ATE1: variants seen among roughly 807,000 people sequenced by gnomAD.
ATE1 encodes the protein arginyltransferase 1, also known as arginyl-tRNA--protein transferase 1.
A neutral mutation model predicts 70.5 loss-of-function variants in ATE1; 36 were observed. That is an observed-to-expected ratio of 0.51 (90% confidence interval 0.39 to 0.67). The LOEUF (loss-of-function observed/expected upper bound fraction) is 0.67. Ranked by LOEUF, ATE1 falls within the 30% of genes least tolerant of loss-of-function variation. The pLI is 0.00. For synonymous variants in ATE1, 232 were observed against 219.3 expected, an observed-to-expected ratio of 1.06 and a Z score of -0.51; for missense variants, 593 against 629.5, an observed-to-expected ratio of 0.94 and a Z score of 0.62.
At chr10:121,866,404 T>C (rs1258646383) in intron 8 of ATE1, among the ~76,000 whole-genome samples, 1 of 152,162 alleles carries the variant, frequency 6.6e-6, no homozygotes, top group Non-Finnish European at 1.5e-5. Flanking sequence ...TTAACCAAGG[T>C]AAATACCACT....
At position 121,811,021 on chromosome 10, in the gene ATE1, A is replaced by C. The variant is rs544667079; in HGVS notation, c.1258-20732T>G. 3.3e-5 allele frequency among the ~76,000 whole-genome samples: 5 copies of C among 152,322 alleles called. No individual in the cohort carries two copies. In the South Asian group the frequency reaches 1.0e-3, roughly 32 times the overall value. On this transcript the variant is annotated intron_variant, in intron 10 of 11. Coordinates refer to ENST00000224652, the MANE Select transcript of ATE1 (RefSeq NM_001001976.3). The stretch of plus-strand genomic sequence containing the variant: ...CAGCCAAAACAAATTTTTTAAAATA[A>C]AGTTTGCCATTTGATGTTATAAAGG...
chr10:121,799,986 G>C (rs773199949), intron 10 of ATE1, among the ~76,000 whole-genome samples: 2 of 152,032 alleles, frequency 1.3e-5, no homozygotes, highest in African/African-American at 2.4e-5. Flanking sequence ...TGTGTTAAAA[G>C]GTCCACTCTT....
intron 7 of ATE1, among the ~76,000 whole-genome samples, chr10:121,896,646 T>C (rs1252216391): frequency 1.3e-5 from 2 of 151,356 alleles, no homozygotes; most frequent in Non-Finnish European, 2.9e-5. Context: ...CTGTCTCTAC[T>C]AAAAATACAA....
At position 121,886,527 on chromosome 10, in the gene ATE1, C is replaced by T. The variant is rs530986358; in HGVS notation, c.942+13339G>A. Reference sequence around the variant, plus strand: ...GTCCAGGGTGAGTGTCCAACCTGCGCCCTAAGCTTCCAGAATAGGCTACAG... The same window carrying T: ...GTCCAGGGTGAGTGTCCAACCTGCGTCCTAAGCTTCCAGAATAGGCTACAG... On this transcript the variant is annotated intron_variant, in intron 7 of 11. Transcript: ENST00000224652. 7.2e-5 allele frequency among the ~76,000 whole-genome samples: 11 copies of T among 152,282 alleles called. 1 individual carries two copies. The highest frequency in any genetic ancestry group is 2.4e-4 in the African/African-American group (10 of 41,552).
intron 11 of ATE1, among the ~76,000 whole-genome samples, chr10:121,765,435 TAACA>T (rs1381940344): frequency 2.0e-5 from 3 of 152,330 alleles, no homozygotes; most frequent in East Asian, 3.9e-4. Flanking sequence ...TAAACTATGC[TAACA>T]TTCAGAATAT....
intron 7 of ATE1, chr10:121,898,958 T>A (rs763607039): frequency 1.2e-6 from 2 of 1,613,508 alleles, no homozygotes; most frequent in South Asian, 2.2e-5. Flanking sequence ...AGGAGACAGG[T>A]ACTAACCTCA....
intron 10 of ATE1, among the ~76,000 whole-genome samples, chr10:121,793,425 C>G (rs1454552395): frequency 6.6e-6 from 1 of 152,210 alleles, no homozygotes; most frequent in South Asian, 2.1e-4. Flanking sequence ...AGGGTTTTAA[C>G]TTTTATAGTG....
At chr10:121,923,918 T>G (rs1356971179) in intron 2 of ATE1, among the ~76,000 whole-genome samples, 1 of 152,208 alleles carries the variant, frequency 6.6e-6, no homozygotes, top group Non-Finnish European at 1.5e-5. Flanking sequence ...ACATACTTAT[T>G]GCCTATCTAT....
In ATE1 at chr10:121,841,170, C is replaced by G; in HGVS notation, c.1069G>C (p.Asp357His). The part of the protein sequence containing the change: ...DGKIIAVGVI[D>H]ILPNCVSSVY... ...GATGATACACAGTTTGGGAGGATGT[C>G]AATCACCCCCACAGCAATGATCTTT... The change falls in exon 9 of 12, where the codon GAC becomes CAC. Residue 357 changes from aspartate to histidine, a missense_variant. By Grantham distance (81) the Asp-to-His change is moderately conservative. Around this residue, in one of 3 missense-constraint regions of ATE1, gnomAD observed 467 missense variants for 469.6 expected, o/e 0.99. Transcript: ENST00000224652. 3 of 1,602,490 alleles carry G rather than the reference C, an allele frequency of 1.9e-6. No individual in the cohort carries two copies. The highest frequency in any genetic ancestry group is 1.7e-6 in the Non-Finnish European group (2 of 1,172,652).
At chr10:121,806,030 G>T (rs1374919449) in intron 10 of ATE1, among the ~76,000 whole-genome samples, 1 of 152,168 alleles carries the variant, frequency 6.6e-6, no homozygotes, top group Non-Finnish European at 1.5e-5. Flanking sequence ...TAGTATTCCC[G>T]CAAAAGTGAG....
In ATE1 at chr10:121,740,959, A is replaced by G. The variant is rs1735323347; in HGVS notation, c.*2721T>C. The G allele has an allele frequency of 6.6e-6, 1 of 152,250 alleles. No homozygotes were observed. Among genetic ancestry groups the G allele is most frequent in the Non-Finnish European group, 1.5e-5 (1 of 68,040 alleles). The allele number at this position is 152,250 out of a possible 1,614,324, so 9.4% of individuals were successfully genotyped here. ...AAAAAAATAACAAAAATCTCTTAGA[A>G]TGGAAATAATTTAAATAAGGACGGT... On this transcript the variant is annotated 3_prime_UTR_variant, in exon 12 of 12. Transcript: ENST00000224652.
chr10:121,860,870 A>G (rs1005996822), intron 8 of ATE1, among the ~76,000 whole-genome samples: 1 of 152,206 alleles, frequency 6.6e-6, no homozygotes, highest in Admixed American at 6.5e-5. Flanking sequence ...TAGAATCCAG[A>G]GTAACTATGC....
intron 10 of ATE1, among the ~76,000 whole-genome samples, chr10:121,821,797 C>G (rs912226446): frequency 2.6e-5 from 4 of 152,198 alleles, no homozygotes; most frequent in Admixed American, 2.6e-4. Flanking sequence ...AGGAGAATCA[C>G]TTGAACCTGG....
At chr10:121,756,028 T>G (rs546399221) in intron 11 of ATE1, among the ~76,000 whole-genome samples, 2 of 152,282 alleles carry the variant, frequency 1.3e-5, no homozygotes, top group South Asian at 4.1e-4. Flanking sequence ...GCAAGTCCCT[T>G]CTGCCTATGA....
At chr10:121,758,378 AT>A (rs1944894575) in intron 11 of ATE1, among the ~76,000 whole-genome samples, 1 of 152,258 alleles carries the variant, frequency 6.6e-6, no homozygotes, top group African/African-American at 2.4e-5. Flanking sequence ...CAAAGAATGA[AT>A]TTGGCATTGG....
intron 11 of ATE1, among the ~76,000 whole-genome samples, chr10:121,770,190 G>C (rs1945446060): frequency 6.9e-6 from 1 of 145,508 alleles, no homozygotes; most frequent in African/African-American, 2.5e-5. Flanking sequence ...CAATAAGAAG[G>C]CATGAACTAC....
At chr10:121,751,778 C>G (rs984858055) in intron 11 of ATE1, among the ~76,000 whole-genome samples, 1 of 152,088 alleles carries the variant, frequency 6.6e-6, no homozygotes, top group African/African-American at 2.4e-5. Flanking sequence ...TTGACTGGGT[C>G]TCTGAAAGGA....
intron 11 of ATE1, among the ~76,000 whole-genome samples, chr10:121,754,367 G>A (rs570853536): frequency 6.6e-6 from 1 of 152,284 alleles, no homozygotes; most frequent in African/African-American, 2.4e-5. Context: ...GTGCCAGAAA[G>A]GAAGTGCTCA....
chr10:121,859,260 ATTTTT>A (rs1308495218), intron 8 of ATE1, among the ~76,000 whole-genome samples: 1 of 146,374 alleles, frequency 6.8e-6, no homozygotes, highest in East Asian at 2.0e-4. Context: ...ATTTTATTTT[ATTTTT>A]TTTTTTTTTG....
Sources: gnomAD v4.1 joint callset for allele counts (sites outside exome capture counted in the v4.1 genomes callset) on GRCh38, gnomAD v4.1.1 for gene constraint, gnomAD v4.1.1 regional missense constraint, MANE v1.5 for transcripts, NCBI Gene and HGNC (gene_info 2026-07-23, HGNC 2026-07-21) for gene names.